The following GPHN variants were observed in gnomAD, a reference collection of about 807,000 sequenced individuals.
GPHN encodes gephyrin.
Under a neutral mutation model 95.5 loss-of-function variants are expected in GPHN, and 17 were observed. That is an observed-to-expected ratio of 0.18 (90% CI 0.12 to 0.27). The LOEUF (loss-of-function observed/expected upper bound fraction) is 0.27. Ranked by LOEUF, GPHN falls within the 10% of genes least tolerant of loss-of-function variation. The pLI is 1.00. For missense variants in GPHN, 660 were observed against 978.1 expected, an observed-to-expected ratio of 0.67 and a Z score of 4.34; for synonymous variants, 320 against 322.5, an observed-to-expected ratio of 0.99 and a Z score of 0.08.
chr14:67,473,171 C>G, the GPHN span: 2 of 532,694 alleles, frequency 3.8e-6, no homozygotes, highest in Non-Finnish European at 3.4e-6. This position sits in a 1 kb window ranked among gnomAD's most constrained non-coding sequence, Gnocchi z 6.5. Flanking sequence ...GGTACCAACC[C>G]CTGAACTGGG....
At chr14:66,632,825 A>C (rs1747650403) in intron 1 of GPHN, among the ~76,000 whole-genome samples, 1 of 152,104 alleles carries the variant, frequency 6.6e-6, no homozygotes, top group Admixed American at 6.6e-5. Flanking sequence ...CAGTCAGATG[A>C]CTTTTTCTAA....
At chr14:66,917,442 A>T (rs895896430) in intron 6 of GPHN, among the ~76,000 whole-genome samples, 5 of 152,192 alleles carry the variant, frequency 3.3e-5, no homozygotes, top group African/African-American at 1.2e-4. Flanking sequence ...CTCTTTGGAG[A>T]TACCAATGCA....
intron 6 of GPHN, among the ~76,000 whole-genome samples, chr14:66,918,634 T>C (rs1327082828): frequency 6.6e-6 from 1 of 152,118 alleles, no homozygotes; most frequent in Non-Finnish European, 1.5e-5. Context: ...TGTCTGTTCT[T>C]TTCCTGATCC....
In GPHN at chr14:66,816,985, C is replaced by A. The variant is rs1392285705; in HGVS notation, c.202-7489C>A. On this transcript the variant is annotated intron_variant, in intron 3 of 22. Transcript: ENST00000478722. ...TTGGCAATAATTTTGCTAAAAATTT[C>A]TGTAATCATGTTTTTTATTGTTAAA... 2.6e-5 allele frequency among the ~76,000 whole-genome samples: 4 copies of A among 152,110 alleles called. No individual in the cohort carries two copies. The East Asian group carries it at 7.7e-4, about 29-fold the overall frequency.
intron 18 of GPHN, among the ~76,000 whole-genome samples, chr14:67,152,215 A>T (rs1198140439): frequency 6.6e-6 from 1 of 152,210 alleles, no homozygotes; most frequent in African/African-American, 2.4e-5. Context: ...CACTTCGTGT[A>T]TAGCATAAGA....
At chr14:67,632,808 ATTTTTTTTTTTTTTT>A in the GPHN span, among the ~76,000 whole-genome samples, 4 of 62,360 alleles carry the variant, frequency 6.4e-5, no homozygotes, top group South Asian at 8.9e-4. Context: ...AAGCCTCTTA[ATTTTTTTTTTTTTTT>A]TTTTTTTTTT....
At chr14:66,760,522 C>T (rs776128414) in intron 2 of GPHN, 18 of 249,970 alleles carry the variant, frequency 7.2e-5, no homozygotes, top group Non-Finnish European at 1.5e-4. Flanking sequence ...GGGGCCCACG[C>T]GGGTTCAACA....
intron 1 of GPHN, among the ~76,000 whole-genome samples, chr14:66,515,168 T>C (rs1234674565): frequency 6.6e-6 from 1 of 152,198 alleles, no homozygotes; most frequent in African/African-American, 2.4e-5. Flanking sequence ...ATACATGTCT[T>C]ATTCAAAGTA....
chr14:67,579,025 C>A, the GPHN span: 3 of 741,802 alleles, frequency 4.0e-6, no homozygotes, highest in Non-Finnish European at 6.8e-6. Context: ...TTTCTCACAA[C>A]CTGCCCCAGC....
At chr14:67,336,753 A>C in the GPHN span, 1 of 456,088 alleles carries the variant, frequency 2.2e-6, no homozygotes, top group East Asian at 6.9e-5. Context: ...TGGGAAGACG[A>C]AATGTTAAAC....
At chr14:66,890,439 A>T (rs2064423173) in intron 5 of GPHN, among the ~76,000 whole-genome samples, 1 of 150,916 alleles carries the variant, frequency 6.6e-6, no homozygotes, top group African/African-American at 2.4e-5. Context: ...AAACCTTTCT[A>T]TCTTTCTATT....
chr14:66,560,054 A>G (rs2060165342), intron 1 of GPHN, among the ~76,000 whole-genome samples: 1 of 152,044 alleles, frequency 6.6e-6, no homozygotes, highest in African/African-American at 2.4e-5. Flanking sequence ...AGTTGTAGAT[A>G]TGCGGCGTTA....
chr14:67,253,047 G>A, the GPHN span, among the ~76,000 whole-genome samples: 345 of 152,330 alleles, frequency 2.3e-3, 2 homozygotes, highest in African/African-American at 7.7e-3. Flanking sequence ...TTACAGTGCA[G>A]TTACAGTACT....
At chr14:67,348,923 TG>T in the GPHN span, 1 of 974,232 alleles carries the variant, frequency 1.0e-6, no homozygotes, top group Non-Finnish European at 1.5e-6. Flanking sequence ...CCAATCAACT[TG>T]TTCTAAGTAG....
intron 1 of GPHN, among the ~76,000 whole-genome samples, chr14:66,629,030 A>G (rs1019268332): frequency 5.4e-5 from 8 of 147,612 alleles, no homozygotes; most frequent in Non-Finnish European, 1.0e-4. Context: ...TCACCACTGC[A>G]CTCCATCCAG....
At chr14:67,324,113 C>CTCTGTA in the GPHN span, among the ~76,000 whole-genome samples, 2 of 152,180 alleles carry the variant, frequency 1.3e-5, no homozygotes, top group Non-Finnish European at 2.9e-5. Flanking sequence ...ACTGACTTTT[C>CTCTGTA]TCTGTAGATA....
intron 8 of GPHN, among the ~76,000 whole-genome samples, chr14:66,945,065 G>A (rs1031349164): frequency 2.6e-5 from 4 of 152,210 alleles, no homozygotes; most frequent in African/African-American, 9.6e-5. Flanking sequence ...CTTTTCTCAA[G>A]CCCCATGTTG....
chr14:67,710,668 G>A, the GPHN span, among the ~76,000 whole-genome samples: 1 of 150,498 alleles, frequency 6.6e-6, no homozygotes, highest in Middle Eastern at 3.5e-3. Flanking sequence ...TTTTATACAT[G>A]ATCTTTAAAT....
Position 67,073,965 on chromosome 14 carries a change from C to T in GPHN, c.1145-15018C>T, listed in dbSNP as rs1274197. Among the ~76,000 whole-genome samples, 47 of 152,152 alleles carry T rather than the reference C, an allele frequency of 3.1e-4. No homozygotes were observed. In the East Asian group the frequency reaches 7.5e-3, roughly 24 times the overall value. On this transcript the variant is annotated intron_variant, in intron 11 of 22. Transcript: ENST00000478722. Reference sequence around the variant, plus strand: ...AAATGATTCAATCTTTTTCACTCTACGAATATATAAAGCCTGTAATACATA... The same window carrying T: ...AAATGATTCAATCTTTTTCACTCTATGAATATATAAAGCCTGTAATACATA...
Sources: gnomAD v4.1 joint callset for allele counts (sites outside exome capture counted in the v4.1 genomes callset) on GRCh38, gnomAD v4.1.1 for gene constraint, Gnocchi (gnomAD v3.1) non-coding constraint, MANE v1.5 for transcripts, NCBI Gene and HGNC (gene_info 2026-07-23, HGNC 2026-07-21) for gene names.